The following BMP3 variants were observed in gnomAD, a reference collection of about 807,000 sequenced individuals.
BMP3 encodes bone morphogenetic protein 3 (osteogenic).
In BMP3, 23 loss-of-function variants were observed where a neutral mutation model predicts 38.1. The observed-to-expected ratio is 0.60, with a 90% CI of 0.43 to 0.86. BMP3 has a LOEUF of 0.86. Among genes scored for constraint, BMP3 ranks in the 40% least tolerant of loss-of-function variants. The pLI is 0.00. For synonymous variants in BMP3, 258 were observed against 225.7 expected, an observed-to-expected ratio of 1.14 and a Z score of -1.28; for missense variants, 628 against 579.6, an observed-to-expected ratio of 1.08 and a Z score of -0.86.
At position 81,054,979 on chromosome 4, in the gene BMP3, G is replaced by A. The variant is rs2109915598; in HGVS notation, c.*1443G>A. On this transcript the variant is annotated 3_prime_UTR_variant, in exon 3 of 3. Transcript: ENST00000282701. ...CGTGGAGTTTGTTCTGTCTCTGCCT[G>A]TAGCTAATTATGGTGGTTCAGTCAT... 6.6e-6 allele frequency: 1 copy of A among 152,280 alleles called. No individual in the cohort carries two copies. Among genetic ancestry groups the A allele is most frequent in the Non-Finnish European group, 1.5e-5 (1 of 68,010 alleles). The allele number at this position is 152,280 out of a possible 1,614,324, so 9.4% of individuals were successfully genotyped here.
At position 81,053,865 on chromosome 4, in the gene BMP3, G is replaced by A. The variant is rs1023530103; in HGVS notation, c.*329G>A. ...ATTTTTGTAATGTTCTTTGAAAACAGAATGGAGAAGCAGCAATAGCTTGTC... is the reference window on the plus strand; with the variant it reads ...ATTTTTGTAATGTTCTTTGAAAACAAAATGGAGAAGCAGCAATAGCTTGTC... On this transcript the variant is annotated 3_prime_UTR_variant, in exon 3 of 3. Transcript: ENST00000282701. 1.1e-4 allele frequency: 19 copies of A among 166,330 alleles called. No individual in the cohort carries two copies. Among genetic ancestry groups the A allele is most frequent in the Non-Finnish European group, 2.1e-4 (16 of 77,440 alleles). The allele number at this position is 166,330 out of a possible 1,614,324, so 10.3% of individuals were successfully genotyped here. A position where few individuals can be genotyped will look rare whatever the true frequency, so the allele number is the denominator to read the frequency against.
chr4:81,046,694 T>C, intron 2 of BMP3, 46 bp downstream of exon 2: 1 of 1,541,174 alleles, frequency 6.5e-7, no homozygotes, highest in Non-Finnish European at 8.8e-7. Context: ...TTTCCATTAG[T>C]AGAAAGACAC....
At chr4:81,038,234 G>A (rs1316242629) in intron 1 of BMP3, among the ~76,000 whole-genome samples, 1 of 152,036 alleles carries the variant, frequency 6.6e-6, no homozygotes, top group Non-Finnish European at 1.5e-5. Context: ...CCATAAAGAA[G>A]TCTTCAAAAT....
rs1247882089 is a variant in BMP3 at position 81,046,117 on chromosome 4, G to A, written c.696G>A (p.Arg232=). 2.5e-6 allele frequency: 4 copies of A among 1,614,124 alleles called. No homozygotes were observed. Among genetic ancestry groups the A allele is most frequent in the South Asian group, 2.2e-5 (2 of 91,080 alleles). Residue 232 remains arginine (R), a synonymous_variant, in exon 2 of 3, where the codon AGG becomes AGA. Transcript: ENST00000282701. The part of the protein sequence containing the change: ...TSKGRQLPKR[R]LPFPEPYILV... ...AGGGACGCCAGCTGCCAAAGAGGAG[G>A]TTACCTTTTCCAGAGCCTTATATCT...
In BMP3 at chr4:81,045,983, G is replaced by A. The variant is rs139647326; in HGVS notation, c.562G>A (p.Ala188Thr). ...QLLGHLSVDMAKSHRDIMSWL... is the reference protein window; with the variant it reads ...QLLGHLSVDMTKSHRDIMSWL... Reference sequence around the variant, plus strand: ...CCTTGGCCATCTGTCAGTGGATATGGCCAAATCTCATCGAGATATTATGTC... The same window carrying A: ...CCTTGGCCATCTGTCAGTGGATATGACCAAATCTCATCGAGATATTATGTC... Residue 188 changes from alanine to threonine, a missense_variant, in exon 2 of 3, where the codon GCC (alanine) becomes ACC (threonine). By Grantham distance (58) the Ala-to-Thr change is moderately conservative (BLOSUM62 0). Coordinates refer to ENST00000282701, the MANE Select transcript of BMP3 (RefSeq NM_001201.5). 3.1e-6 allele frequency: 5 copies of A among 1,613,942 alleles called. No individual in the cohort carries two copies. Among genetic ancestry groups the A allele is most frequent in the Non-Finnish European group, 4.2e-6 (5 of 1,180,020 alleles).
chr4:81,035,836 C>T (rs1353706363), intron 1 of BMP3, among the ~76,000 whole-genome samples: 1 of 151,974 alleles, frequency 6.6e-6, no homozygotes, highest in African/African-American at 2.4e-5. Flanking sequence ...CCTTTAAATG[C>T]TAATGAGTCC....
At chr4:81,032,482 G>T (rs1739807866) in intron 1 of BMP3, among the ~76,000 whole-genome samples, 1 of 152,232 alleles carries the variant, frequency 6.6e-6, no homozygotes, top group Non-Finnish European at 1.5e-5. Context: ...TGTGTTAACA[G>T]CTTGAGGGAA....
At chr4:81,034,254 T>G (rs2868125) in intron 1 of BMP3, among the ~76,000 whole-genome samples, 101,919 of 151,684 alleles carry the variant, frequency 0.67, 39,157 homozygotes, top group Non-Finnish European at 0.85. Context: ...TAAGTTTTTT[T>G]GTCATGTGGA....
intron 1 of BMP3, among the ~76,000 whole-genome samples, chr4:81,040,849 C>T (rs1000622284): frequency 2.5e-4 from 38 of 152,206 alleles, no homozygotes; most frequent in African/African-American, 9.1e-4. Context: ...TTTTTTGTAA[C>T]CTGAAAAAAT....
rs541761785 is a variant in BMP3, at chr4:81,031,037, C to G, written c.-248C>G. 2.0e-6 allele frequency: 1 copy of G among 506,956 alleles called. No individual in the cohort carries two copies. The highest frequency in any genetic ancestry group is 3.4e-6 in the Non-Finnish European group (1 of 291,700). The allele number at this position is 506,956 out of a possible 1,614,324, so 31.4% of individuals were successfully genotyped here. ...TCTCAGCGTTGGAGTGGAGACGGCG[C>G]CCGCAGCGCCCTGCGCGGGTGAGGT... On this transcript the variant is annotated 5_prime_UTR_variant, in exon 1 of 3. Transcript: ENST00000282701.
Position 81,047,893 on chromosome 4 carries a change from A to G in BMP3, c.1227+1245A>G, listed in dbSNP as rs536529978. ...AGTTGGAGTAAGCTCTGATTGCACT[A>G]CTGCACTCCAGCCTGGGTGACAGAG... is the stretch of plus-strand genomic sequence containing the variant. On this transcript the variant is annotated intron_variant, in intron 2 of 2. Transcript: ENST00000282701. Among the ~76,000 whole-genome samples, 3 of 146,070 alleles carry G rather than the reference A, an allele frequency of 2.1e-5. No homozygotes were observed. The South Asian group carries it at 6.6e-4, about 32-fold the overall frequency.
chr4:81,036,956 A>T (rs1474442384), intron 1 of BMP3, among the ~76,000 whole-genome samples: 1 of 151,932 alleles, frequency 6.6e-6, no homozygotes, highest in Non-Finnish European at 1.5e-5. Context: ...TCAAATGACC[A>T]CGGTGGTTTT....
rs1236979518 is a variant in BMP3, at chr4:81,056,121, G to A, written c.*2585G>A. The A allele has an allele frequency of 2.0e-5, 3 of 151,946 alleles. No homozygotes were observed. Among genetic ancestry groups the A allele is most frequent in the Admixed American group, 6.6e-5 (1 of 15,250 alleles). The allele number at this position is 151,946 out of a possible 1,614,324, so 9.4% of individuals were successfully genotyped here. On this transcript the variant is annotated 3_prime_UTR_variant, in exon 3 of 3. Coordinates refer to ENST00000282701, the MANE Select transcript of BMP3 (RefSeq NM_001201.5). ...AAGTGCCTGTTTTACAAATTGTTAG[G>A]TACTAGTTTCTGTATAATTCCTACA...
chr4:81,038,319 AATATGGT>A (rs1395873643), intron 1 of BMP3, among the ~76,000 whole-genome samples: 1 of 152,192 alleles, frequency 6.6e-6, no homozygotes, highest in Non-Finnish European at 1.5e-5. Context: ...CTAGAAGAAA[AATATGGT>A]ATGAGCAGGG....
chr4:81,041,951 T>C (rs1487557997), intron 1 of BMP3, among the ~76,000 whole-genome samples: 1 of 152,104 alleles, frequency 6.6e-6, no homozygotes, highest in East Asian at 1.9e-4. Flanking sequence ...TAGTCTTTTT[T>C]TTTTCCTTTC....
rs766414400 is a variant in BMP3, at chr4:81,046,237, A to G, written c.816A>G (p.Lys272=). 6.2e-7 allele frequency: 1 copy of G among 1,614,088 alleles called. No individual in the cohort carries two copies. Among genetic ancestry groups the G allele is most frequent in the Non-Finnish European group, 8.5e-7 (1 of 1,180,012 alleles). ...HRNFPTGTVP[K]WDSHIRAALS... Reference sequence around the variant, plus strand: ...ATTTTCCCACTGGAACTGTTCCCAAATGGGATAGCCACATCAGAGCTGCCC... The same window carrying G: ...ATTTTCCCACTGGAACTGTTCCCAAGTGGGATAGCCACATCAGAGCTGCCC... The change falls in exon 2 of 3, where the codon AAA becomes AAG. Residue 272 remains lysine (K), a synonymous_variant. Coordinates refer to ENST00000282701, the MANE Select transcript of BMP3 (RefSeq NM_001201.5).
rs190740755 is a variant in BMP3 at position 81,043,614 on chromosome 4, G to A, written c.317-2124G>A. Among the ~76,000 whole-genome samples the A allele has an allele frequency of 7.8e-4, 77 of 98,182 alleles. No homozygotes were observed. The East Asian group carries it at 0.019, about 24-fold the overall frequency. The allele number at this position is 98,182 out of a possible 152,430, so 64.4% of individuals were successfully genotyped here. ...AATTTTTTTTTTTTTTTGAGACAGC[G>A]TCTCACTCTGTTGCCCAGGCTGGTG... On this transcript the variant is annotated intron_variant, in intron 1 of 2. Coordinates refer to ENST00000282701, the MANE Select transcript of BMP3 (RefSeq NM_001201.5).
chr4:81,038,695 A>G (rs1249556216), intron 1 of BMP3, among the ~76,000 whole-genome samples: 1 of 152,196 alleles, frequency 6.6e-6, no homozygotes, highest in African/African-American at 2.4e-5. Context: ...GGAACTTGAA[A>G]TTACTTGAAA....
At chr4:81,037,018 A>G (rs1739941519) in intron 1 of BMP3, among the ~76,000 whole-genome samples, 1 of 152,060 alleles carries the variant, frequency 6.6e-6, no homozygotes, top group African/African-American at 2.4e-5. Flanking sequence ...TTTCATGGCT[A>G]TAGAACCATG....
Sources: gnomAD v4.1 joint callset for allele counts (sites outside exome capture counted in the v4.1 genomes callset) on GRCh38, gnomAD v4.1.1 for gene constraint, MANE v1.5 for transcripts, NCBI Gene and HGNC (gene_info 2026-07-23, HGNC 2026-07-21) for gene names.